Variants in HOXD12 observed in about 807,000 individuals in gnomAD.
The protein encoded by HOXD12 is homeobox D12, also known as homeobox protein Hox-D12.
Under a neutral mutation model 20.2 loss-of-function variants are expected in HOXD12, and 21 were observed. The ratio of observed to expected loss-of-function variants is 1.04; its 90% confidence interval spans 0.74 to 1.50. The LOEUF is 1.50. Among genes scored for constraint, HOXD12 ranks in the 40% most tolerant of loss-of-function variants. The pLI, the probability that HOXD12 is intolerant of heterozygous loss-of-function variation, is 0.00. For missense variants in HOXD12, 472 were observed against 365.5 expected (o/e 1.29, Z -2.38); for synonymous variants, 196 against 168.8 (o/e 1.16, Z -1.25).
rs1378300642 is a variant in HOXD12, at chr2:176,100,174, C to T, written c.373C>T (p.Leu125=). ...TRPSFAPESS[L]APAVAALKAA... ...GCCGTCCTTCGCCCCCGAGTCTAGC[C>T]TGGCTCCTGCAGTGGCTGCTCTCAA... Residue 125 remains leucine, a synonymous_variant, in exon 1 of 2, where the codon CTG becomes TTG. Transcript: ENST00000406506. 6.2e-7 allele frequency: 1 copy of T among 1,612,444 alleles called. No individual in the cohort carries two copies. Among genetic ancestry groups the T allele is most frequent in the Non-Finnish European group, 8.5e-7 (1 of 1,179,766 alleles).
In HOXD12 at chr2:176,100,154, C is replaced by T. The variant is rs771125796; in HGVS notation, c.353C>T (p.Ser118Phe). ...GPEERGRTRPSFAPESSLAPA... is the reference protein window; with the variant it reads ...GPEERGRTRPFFAPESSLAPA... ...GAGGAGCGCGGTCGTACCCGGCCGTCCTTCGCCCCCGAGTCTAGCCTGGCT... is the reference window on the plus strand; with the variant it reads ...GAGGAGCGCGGTCGTACCCGGCCGTTCTTCGCCCCCGAGTCTAGCCTGGCT... Residue 118 changes from serine to phenylalanine, a missense_variant, in exon 1 of 2, where the codon TCC (serine) becomes TTC (phenylalanine). Physicochemically the swap from Ser to Phe is radical, Grantham distance 155 (BLOSUM62 -2). Transcript: ENST00000406506. The T allele has an allele frequency of 4.5e-5, 73 of 1,611,748 alleles. No individual in the cohort carries two copies. The highest frequency in any genetic ancestry group is 5.5e-5 in the Non-Finnish European group (65 of 1,179,716).
chr2:176,100,725 G>GT lies in HOXD12; in HGVS notation c.779dup (p.Val261GlyfsTer75). On this transcript the variant is annotated frameshift_variant, in exon 2 of 2. Coordinates refer to ENST00000406506, the MANE Select transcript of HOXD12 (RefSeq NM_021193.4). LOFTEE classifies it high-confidence loss of function. ...GAACAGGCGTATGAAGAAGAAGCGC[G>GT]TGGTGCTTCGGGAGCAGGCGCTGGC... The GT allele has an allele frequency of 6.2e-7, 1 of 1,613,832 alleles. No homozygotes were observed. The highest frequency in any genetic ancestry group is 8.5e-7 in the Non-Finnish European group (1 of 1,179,766).
Position 176,100,174 on chromosome 2 carries a change from C to A in HOXD12, c.373C>A (p.Leu125Met). The change falls in exon 1 of 2, where the codon CTG becomes ATG. Residue 125 changes from leucine (L) to methionine (M), a missense_variant. Coordinates refer to ENST00000406506, the MANE Select transcript of HOXD12 (RefSeq NM_021193.4). ...GCCGTCCTTCGCCCCCGAGTCTAGC[C>A]TGGCTCCTGCAGTGGCTGCTCTCAA... is the stretch of plus-strand genomic sequence containing the variant. Reference protein sequence around the residue: ...TRPSFAPESSLAPAVAALKAA... With the variant: ...TRPSFAPESSMAPAVAALKAA... The A allele has an allele frequency of 6.2e-7, 1 of 1,612,444 alleles. No individual in the cohort carries two copies. The highest frequency in any genetic ancestry group is 8.5e-7 in the Non-Finnish European group (1 of 1,179,766).
rs1036236797 is a variant in HOXD12 at position 176,102,190 on chromosome 2, T to C, written c.*1430T>C. Among the ~76,000 whole-genome samples the C allele has an allele frequency of 6.6e-6, 1 of 152,172 alleles. No homozygotes were observed. Among genetic ancestry groups the C allele is most frequent in the Non-Finnish European group, 1.5e-5 (1 of 68,036 alleles). ...CTCTCCTTCTGACATGTAGCACTCC[T>C]CCTTCGCAATTCCTAGCATGATGCA... On this transcript the variant is annotated 3_prime_UTR_variant, in exon 2 of 2. Coordinates refer to ENST00000406506, the MANE Select transcript of HOXD12 (RefSeq NM_021193.4).
At position 176,100,240 on chromosome 2, in the gene HOXD12, C is replaced by T. The variant is rs369707719; in HGVS notation, c.439C>T (p.Pro147Ser). ...YDYAGVGRAT[P>S]GSTTLLQGAP... Reference sequence around the variant, plus strand: ...CTACGCTGGTGTGGGTCGTGCCACGCCGGGCTCCACGACCCTGCTCCAGGG... The same window carrying T: ...CTACGCTGGTGTGGGTCGTGCCACGTCGGGCTCCACGACCCTGCTCCAGGG... The change falls in exon 1 of 2, where the codon CCG becomes TCG. Residue 147 changes from proline (P) to serine (S), a missense_variant. Transcript: ENST00000406506. 4.3e-6 allele frequency: 7 copies of T among 1,612,280 alleles called. No individual in the cohort carries two copies. The highest frequency in any genetic ancestry group is 5.9e-6 in the Non-Finnish European group (7 of 1,179,830).
rs770704927 is a variant in HOXD12, at chr2:176,101,272, A to G, written c.*512A>G. On this transcript the variant is annotated 3_prime_UTR_variant, in exon 2 of 2. Coordinates refer to ENST00000406506, the MANE Select transcript of HOXD12 (RefSeq NM_021193.4). ...CCAGGATCTTCACTCTGGAGAAAGG[A>G]AAGGGCACCATCCACCCTCCACCCT... 149 of 157,486 alleles carry G rather than the reference A, an allele frequency of 9.5e-4. No individual in the cohort carries two copies. Among genetic ancestry groups the G allele is most frequent in the Non-Finnish European group, 1.1e-3 (82 of 71,522 alleles). The allele number at this position is 157,486 out of a possible 1,614,324, so 9.8% of individuals were successfully genotyped here. A position where few individuals can be genotyped will look rare whatever the true frequency, so the allele number is the denominator to read the frequency against.
chr2:176,100,916 C>T lies in HOXD12; in HGVS notation c.*156C>T. On this transcript the variant is annotated 3_prime_UTR_variant, in exon 2 of 2. Transcript: ENST00000406506. ...AGATTTACAGACCAGGCCAGTTGGG[C>T]CTCCTTGCTTTCCTCAGTCCCTGAG... 1 of 620,106 alleles carries T rather than the reference C, an allele frequency of 1.6e-6. No homozygotes were observed. Among genetic ancestry groups the T allele is most frequent in the Non-Finnish European group, 2.9e-6 (1 of 350,020 alleles). The allele number at this position is 620,106 out of a possible 1,614,324, so 38.4% of individuals were successfully genotyped here. A position where few individuals can be genotyped will look rare whatever the true frequency, so the allele number is the denominator to read the frequency against.
rs1689497502 is a variant in HOXD12, at chr2:176,101,703, A to G, written c.*943A>G. On this transcript the variant is annotated 3_prime_UTR_variant, in exon 2 of 2. Transcript: ENST00000406506. Reference sequence around the variant, plus strand: ...TATCCAGGGGAGGAGAAGGGAGTGAATAAGAGGAGGAGGGGTGCTGCACTC... The same window carrying G: ...TATCCAGGGGAGGAGAAGGGAGTGAGTAAGAGGAGGAGGGGTGCTGCACTC... 1.3e-5 allele frequency among the ~76,000 whole-genome samples: 2 copies of G among 152,226 alleles called. No homozygotes were observed. The highest frequency in any genetic ancestry group is 4.1e-4 in the South Asian group (2 of 4,836).
Position 176,102,274 on chromosome 2 carries a change from G to T in HOXD12, c.*1514G>T, listed in dbSNP as rs1457539012. Among the ~76,000 whole-genome samples, 3 of 152,278 alleles carry T rather than the reference G, an allele frequency of 2.0e-5. No homozygotes were observed. In the East Asian group the frequency reaches 5.8e-4, roughly 29 times the overall value. On this transcript the variant is annotated 3_prime_UTR_variant, in exon 2 of 2. Coordinates refer to ENST00000406506, the MANE Select transcript of HOXD12 (RefSeq NM_021193.4). ...GTCCAGTGATTTCTTTTCAGTGCAG[G>T]ACCTGGCCCTAAATCTGGAGTGGGC...
rs1044524905 is a variant in HOXD12, at chr2:176,101,210, A to T, written c.*450A>T. ...AGGGAATGGAAAGGACTGTGGGTAC[A>T]ATTAGGTCTCTGCAGCAGAAGCCCT... is the stretch of plus-strand genomic sequence containing the variant. On this transcript the variant is annotated 3_prime_UTR_variant, in exon 2 of 2. Transcript: ENST00000406506. The T allele has an allele frequency of 1.6e-5, 3 of 186,202 alleles. No homozygotes were observed. The highest frequency in any genetic ancestry group is 3.4e-5 in the Non-Finnish European group (3 of 89,154). The allele number at this position is 186,202 out of a possible 1,614,324, so 11.5% of individuals were successfully genotyped here.
Position 176,099,999 on chromosome 2 carries a change from C to T in HOXD12, c.198C>T (p.Ala66=), listed in dbSNP as rs1445317735. 3.5e-5 allele frequency: 55 copies of T among 1,562,420 alleles called. No individual in the cohort carries two copies. Among genetic ancestry groups the T allele is most frequent in the Non-Finnish European group, 4.7e-5 (54 of 1,153,106 alleles). The part of the protein sequence containing the change: ...ASCAPAQPAG[A]TAFGGFSQPY... ...GCGCCCCCGCGCAGCCTGCGGGCGC[C>T]ACTGCCTTCGGCGGCTTCTCGCAGC... The change falls in exon 1 of 2, where the codon GCC becomes GCT. Residue 66 remains alanine (A), a synonymous_variant. Transcript: ENST00000406506.
At position 176,100,084 on chromosome 2, in the gene HOXD12, G is replaced by A; in HGVS notation, c.283G>A (p.Glu95Lys). Residue 95 changes from glutamate (E) to lysine (K), a missense_variant, in exon 1 of 2, where the codon GAA becomes AAA. Transcript: ENST00000406506. ...LQPPTAKDGP[E>K]EQAKFYAPEA... The stretch of plus-strand genomic sequence containing the variant: ...GCCCCCAACAGCCAAAGACGGACCC[G>A]AAGAGCAGGCTAAGTTCTATGCGCC... 1 of 1,602,086 alleles carries A rather than the reference G, an allele frequency of 6.2e-7. No homozygotes were observed. Among genetic ancestry groups the A allele is most frequent in the Non-Finnish European group, 8.5e-7 (1 of 1,176,014 alleles).
Position 176,099,858 on chromosome 2 carries a change from G to A in HOXD12, c.57G>A (p.Gln19=), listed in dbSNP as rs1425021003. The A allele has an allele frequency of 6.4e-7, 1 of 1,574,604 alleles. No homozygotes were observed. Among genetic ancestry groups the A allele is most frequent in the Admixed American group, 1.9e-5 (1 of 52,672 alleles). The part of the protein sequence containing the change: ...AGYVGSLLNL[Q]SPDSFYFSNL... ...ATGTGGGCTCGCTTCTGAATCTGCA[G>A]TCGCCAGACTCTTTCTACTTCTCCA... Residue 19 remains glutamine (Q), a synonymous_variant, in exon 1 of 2, where the codon CAG becomes CAA. Coordinates refer to ENST00000406506, the MANE Select transcript of HOXD12 (RefSeq NM_021193.4).
At position 176,100,359 on chromosome 2, in the gene HOXD12, A is replaced by C; in HGVS notation, c.558A>C (p.Arg186=). 6.2e-7 allele frequency: 1 copy of C among 1,612,350 alleles called. No individual in the cohort carries two copies. Among genetic ancestry groups the C allele is most frequent in the Non-Finnish European group, 8.5e-7 (1 of 1,179,740 alleles). The stretch of plus-strand genomic sequence containing the variant: ...CGGCGGGCGTTGCCTCTTGCCTGCG[A>C]CCTTCACTGCCCGACGGTAAACGGT... The part of the protein sequence containing the change: ...VQAAGVASCL[R]PSLPDGLPWG... Residue 186 remains arginine, a synonymous_variant, in exon 1 of 2, where the codon CGA becomes CGC. Transcript: ENST00000406506.
At position 176,102,430 on chromosome 2, in the gene HOXD12, A is replaced by G. The variant is rs1456986258; in HGVS notation, c.*1670A>G. 6.6e-6 allele frequency among the ~76,000 whole-genome samples: 1 copy of G among 152,244 alleles called. No homozygotes were observed. The highest frequency in any genetic ancestry group is 1.5e-5 in the Non-Finnish European group (1 of 68,036). On this transcript the variant is annotated 3_prime_UTR_variant, in exon 2 of 2. Transcript: ENST00000406506. ...TTTTGTCAAAAACAGTAGCTTGTAT[A>G]TATCAGACACAATATATACAAATGT...
At position 176,100,357 on chromosome 2, in the gene HOXD12, C is replaced by G; in HGVS notation, c.556C>G (p.Arg186Gly). The change falls in exon 1 of 2, where the codon CGA (arginine) becomes GGA (glycine). Residue 186 changes from arginine (R) to glycine (G), a missense_variant. By Grantham distance (125) the Arg-to-Gly change is moderately radical (BLOSUM62 -2). Coordinates refer to ENST00000406506, the MANE Select transcript of HOXD12 (RefSeq NM_021193.4). The stretch of plus-strand genomic sequence containing the variant: ...GGCGGCGGGCGTTGCCTCTTGCCTG[C>G]GACCTTCACTGCCCGACGGTAAACG... The part of the protein sequence containing the change: ...VQAAGVASCL[R>G]PSLPDGLPWG... 1 of 1,612,496 alleles carries G rather than the reference C, an allele frequency of 6.2e-7. No individual in the cohort carries two copies. Among genetic ancestry groups the G allele is most frequent in the Non-Finnish European group, 8.5e-7 (1 of 1,179,760 alleles).
rs572921135 is a variant in HOXD12 at position 176,100,148 on chromosome 2, G to A, written c.347G>A (p.Arg116Gln). The change falls in exon 1 of 2, where the codon CGG becomes CAG. Residue 116 changes from arginine to glutamine, a missense_variant. Coordinates refer to ENST00000406506, the MANE Select transcript of HOXD12 (RefSeq NM_021193.4). ...GGGCCAGAGGAGCGCGGTCGTACCC[G>A]GCCGTCCTTCGCCCCCGAGTCTAGC... ...AAGPEERGRT[R>Q]PSFAPESSLA... 3.8e-5 allele frequency: 61 copies of A among 1,611,506 alleles called. No homozygotes were observed. The highest frequency in any genetic ancestry group is 8.9e-5 in the East Asian group (4 of 44,854).
Position 176,102,163 on chromosome 2 carries a change from C to T in HOXD12, c.*1403C>T, listed in dbSNP as rs754995256. ...CATTCCACTATCCCTGCCTCTTCTC[C>T]CCTCTCCTTCTGACATGTAGCACTC... On this transcript the variant is annotated 3_prime_UTR_variant, in exon 2 of 2. Coordinates refer to ENST00000406506, the MANE Select transcript of HOXD12 (RefSeq NM_021193.4). Among the ~76,000 whole-genome samples, 4 of 60,864 alleles carry T rather than the reference C, an allele frequency of 6.6e-5. No homozygotes were observed. Among genetic ancestry groups the T allele is most frequent in the African/African-American group, 5.4e-4 (4 of 7,418 alleles). The allele number at this position is 60,864 out of a possible 152,430, so 39.9% of individuals were successfully genotyped here. A position where few individuals can be genotyped will look rare whatever the true frequency, so the allele number is the denominator to read the frequency against.
At position 176,101,349 on chromosome 2, in the gene HOXD12, A is replaced by G. The variant is rs1689492828; in HGVS notation, c.*589A>G. Among the ~76,000 whole-genome samples the G allele has an allele frequency of 6.6e-6, 1 of 151,970 alleles. No individual in the cohort carries two copies. Among genetic ancestry groups the G allele is most frequent in the African/African-American group, 2.4e-5 (1 of 41,346 alleles). On this transcript the variant is annotated 3_prime_UTR_variant, in exon 2 of 2. Transcript: ENST00000406506. ...AACAAAAGCCACACTAGATCTTCAG[A>G]CTTTGGGAGGAAAAGGGAGGGAAGG...
Sources: allele counts gnomAD v4.1 joint callset (sites outside exome capture counted in the v4.1 genomes callset), GRCh38; gene constraint gnomAD v4.1.1; transcripts MANE v1.5; gene names NCBI Gene and HGNC (gene_info 2026-07-23, HGNC 2026-07-21).